The following ABLIM3 variants were observed in gnomAD, a reference collection of about 807,000 sequenced individuals.
ABLIM3 encodes actin-binding LIM protein 3.
A neutral mutation model predicts 109.5 loss-of-function variants in ABLIM3; 61 were observed. The ratio of observed to expected loss-of-function variants is 0.56; its 90% confidence interval spans 0.45 to 0.69. The LOEUF is 0.69. ABLIM3 is among the 30% of genes least tolerant of loss of function. The pLI is 0.00. For synonymous variants in ABLIM3, 300 were observed against 324.8 expected, an observed-to-expected ratio of 0.92 and a Z score of 0.82; for missense variants, 796 against 889.5, an observed-to-expected ratio of 0.89 and a Z score of 1.34.
chr5:149,176,872 G>A (rs1005411163), intron 2 of ABLIM3: 1 of 152,114 alleles, frequency 6.6e-6, no homozygotes, highest in Non-Finnish European at 1.5e-5. Context: ...GGATAATGTA[G>A]CCTCTTATGA....
At position 149,258,621 on chromosome 5, in the gene ABLIM3, G is replaced by A. The variant is rs866673489; in HGVS notation, c.*217G>A. On this transcript the variant is annotated 3_prime_UTR_variant, in exon 24 of 24. Coordinates refer to ENST00000309868, the MANE Select transcript of ABLIM3 (RefSeq NM_014945.5). ...TGGGATCTGGGAAGGGATTTGAGGG[G>A]ACTCTGTCCTTTTATTGGGGATCCT... The A allele has an allele frequency of 2.2e-5, 28 of 1,291,450 alleles. No homozygotes were observed. Among genetic ancestry groups the A allele is most frequent in the African/African-American group, 1.8e-4 (12 of 65,692 alleles). 80.0% of individuals were successfully genotyped at this position (1,291,450 alleles called of 1,614,324 possible).
intron 8 of ABLIM3, among the ~76,000 whole-genome samples, chr5:149,227,350 A>G (rs1450690011): frequency 6.6e-6 from 1 of 152,214 alleles, no homozygotes; most frequent in African/African-American, 2.4e-5. Flanking sequence ...AGTAGGTTTT[A>G]ACTGCAGAGC....
At chr5:149,252,256 GC>G in intron 22 of ABLIM3, 48 bp downstream of exon 22, 1 of 1,603,450 alleles carries the variant, frequency 6.2e-7, no homozygotes, top group Non-Finnish European at 8.5e-7. Flanking sequence ...TCTTGGAGCC[GC>G]TACACTGGGG....
rs76398216 is a variant in ABLIM3, at chr5:149,244,730, C to T, written c.1352-151C>T. The T allele has an allele frequency of 1.7e-3, 1,631 of 957,354 alleles. 2 individuals carry two copies. Among genetic ancestry groups the T allele is most frequent in the Non-Finnish European group, 2.3e-3 (1,480 of 629,870 alleles). 59.3% of individuals were successfully genotyped at this position (957,354 alleles called of 1,614,324 possible). A position where few individuals can be genotyped will look rare whatever the true frequency, so the allele number is the denominator to read the frequency against. ...TTTGGCCCCAGTGCTTTTCCAGCTC[C>T]GATGCTCCATGGCCCAGTTCTAACA... On this transcript the variant is annotated intron_variant, in intron 15 of 23. Coordinates refer to ENST00000309868, the MANE Select transcript of ABLIM3 (RefSeq NM_014945.5).
intron 2 of ABLIM3, among the ~76,000 whole-genome samples, chr5:149,142,591 T>C (rs1752574640): frequency 1.3e-5 from 2 of 152,218 alleles, no homozygotes; most frequent in African/African-American, 4.8e-5. Flanking sequence ...CCAAGCCACC[T>C]TTGGGTCTGG....
intron 7 of ABLIM3, among the ~76,000 whole-genome samples, chr5:149,214,992 C>A (rs11952874): frequency 4.1e-4 from 62 of 152,168 alleles, no homozygotes; most frequent in African/African-American, 1.4e-3. Context: ...AGCTAGCTGA[C>A]GTGGCTTTTC....
rs558951326 is a variant in ABLIM3 at position 149,257,933 on chromosome 5, G to T, written c.1939-358G>T. ...CTCTCAACGGGGAGTGGGATAACAT[G>T]AATCCACACACACTTCTGGATGCAA... On this transcript the variant is annotated intron_variant, in intron 23 of 23. Coordinates refer to ENST00000309868, the MANE Select transcript of ABLIM3 (RefSeq NM_014945.5). Among the ~76,000 whole-genome samples, 398 of 152,236 alleles carry T rather than the reference G, an allele frequency of 2.6e-3. 2 individuals carry two copies. The highest frequency in any genetic ancestry group is 9.2e-3 in the African/African-American group (383 of 41,554).
chr5:149,196,260 C>A (rs1189355002), intron 3 of ABLIM3, among the ~76,000 whole-genome samples: 1 of 152,240 alleles, frequency 6.6e-6, no homozygotes, highest in African/African-American at 2.4e-5. Flanking sequence ...CTGGCATTCA[C>A]CTGGCAGTCT....
At chr5:149,232,171 T>C (rs1440226776) in intron 9 of ABLIM3, among the ~76,000 whole-genome samples, 2 of 152,198 alleles carry the variant, frequency 1.3e-5, no homozygotes, top group Non-Finnish European at 2.9e-5. Context: ...CTGGATGTGG[T>C]GGCACGTGCC....
chr5:149,145,168 G>T (rs1368862171), intron 2 of ABLIM3, among the ~76,000 whole-genome samples: 2 of 152,026 alleles, frequency 1.3e-5, no homozygotes, highest in East Asian at 3.9e-4. Context: ...GTAGTGCCCA[G>T]TGTCTATTTT....
chr5:149,145,428 T>C (rs1032025185), intron 2 of ABLIM3, among the ~76,000 whole-genome samples: 5 of 152,312 alleles, frequency 3.3e-5, no homozygotes, highest in African/African-American at 1.2e-4. Flanking sequence ...ATCTTTATTA[T>C]TGTGAATAGT....
At chr5:149,151,058 C>T (rs1381631744) in intron 2 of ABLIM3, among the ~76,000 whole-genome samples, 1 of 152,144 alleles carries the variant, frequency 6.6e-6, no homozygotes, top group South Asian at 2.1e-4. Flanking sequence ...TGCTACAAAC[C>T]GGGTGGTTTA....
rs755226062 is a variant in ABLIM3 at position 149,252,851 on chromosome 5, A to AG, written c.1938+14_1938+15insG. The stretch of plus-strand genomic sequence containing the variant: ...ACCCGTTTAGAGGTAAGTCTAAAAA[A>AG]CTGAGCAGGAGCTCTTGGGTTGGAA... On this transcript the variant is annotated intron_variant, in intron 23 of 23. Coordinates refer to ENST00000309868, the MANE Select transcript of ABLIM3 (RefSeq NM_014945.5). The AG allele has an allele frequency of 6.2e-7, 1 of 1,606,568 alleles. No homozygotes were observed. Among genetic ancestry groups the AG allele is most frequent in the East Asian group, 2.2e-5 (1 of 44,808 alleles).
intron 2 of ABLIM3, among the ~76,000 whole-genome samples, chr5:149,162,642 C>G (rs1754475896): frequency 6.6e-6 from 1 of 152,210 alleles, no homozygotes; most frequent in South Asian, 2.1e-4. Flanking sequence ...GTTCCTTTTA[C>G]AACTCCCAGA....
intron 20 of ABLIM3, 34 bp downstream of exon 20, chr5:149,250,539 T>C (rs375218775): frequency 6.2e-7 from 1 of 1,612,768 alleles, no homozygotes; most frequent in Non-Finnish European, 8.5e-7. Flanking sequence ...GGGGAGGACG[T>C]TGTCCCCAAA....
chr5:149,204,310 A>G (rs563328262), intron 5 of ABLIM3, among the ~76,000 whole-genome samples: 176 of 152,274 alleles, frequency 1.2e-3, no homozygotes, highest in African/African-American at 4.1e-3. Flanking sequence ...GGCTCTGCAG[A>G]CACCAACTTG....
At chr5:149,185,688 G>A (rs1756887492) in intron 3 of ABLIM3, among the ~76,000 whole-genome samples, 1 of 151,992 alleles carries the variant, frequency 6.6e-6, no homozygotes, top group Admixed American at 6.6e-5. Flanking sequence ...AGAAATGAGA[G>A]GATTTTTATT....
intron 6 of ABLIM3, among the ~76,000 whole-genome samples, chr5:149,208,777 A>G (rs557944802): frequency 1.6e-4 from 24 of 152,320 alleles, no homozygotes; most frequent in Middle Eastern, 6.8e-3. Context: ...AGAAGGGGAA[A>G]TGGATGCTGG....
Position 149,239,770 on chromosome 5 carries a change from G to C in ABLIM3, c.1086G>C (p.Glu362Asp). The C allele has an allele frequency of 6.2e-7, 1 of 1,605,392 alleles. No homozygotes were observed. The highest frequency in any genetic ancestry group is 8.5e-7 in the Non-Finnish European group (1 of 1,176,038). ...TLSPYSQDIYENLDLRQRRAS... is the reference protein window; with the variant it reads ...TLSPYSQDIYDNLDLRQRRAS... ...ATTTCCTCTCCCAGGACATCTACGAGAACCTGGACCTCCGGCAGAGACGGG... is the reference window on the plus strand; with the variant it reads ...ATTTCCTCTCCCAGGACATCTACGACAACCTGGACCTCCGGCAGAGACGGG... Residue 362 changes from glutamate (E) to aspartate (D), a missense_variant, in exon 13 of 24, where the codon GAG (glutamate) becomes GAC (aspartate). Transcript: ENST00000309868.
Sources: gnomAD v4.1 joint callset for allele counts (sites outside exome capture counted in the v4.1 genomes callset) on GRCh38, gnomAD v4.1.1 for gene constraint, MANE v1.5 for transcripts, NCBI Gene and HGNC (gene_info 2026-07-23, HGNC 2026-07-21) for gene names.